The following GDF6 variants were observed in gnomAD, a reference collection of about 807,000 sequenced individuals.
GDF6 encodes growth differentiation factor 6.
In GDF6, 3 loss-of-function variants were observed where a neutral mutation model predicts 32.4. That is an observed-to-expected ratio of 0.09 (90% confidence interval 0.04 to 0.24). GDF6 has a LOEUF of 0.24. Among genes scored for constraint, GDF6 ranks in the 10% least tolerant of loss-of-function variants. The pLI, the probability that GDF6 is intolerant of heterozygous loss-of-function variation, is 1.00. For missense variants in GDF6, 589 were observed against 637.9 expected (o/e 0.92, Z 0.83); for synonymous variants, 296 against 295.3 (o/e 1.00, Z -0.03).
At chr8:96,158,047 CCTTT>C (rs1812698144) in intron 1 of GDF6, among the ~76,000 whole-genome samples, 1 of 152,212 alleles carries the variant, frequency 6.6e-6, no homozygotes, top group African/African-American at 2.4e-5. Flanking sequence ...CAACGAACTG[CCTTT>C]CTTCGCATTT....
intron 1 of GDF6, among the ~76,000 whole-genome samples, chr8:96,153,044 C>G (rs1207567090): frequency 6.6e-6 from 1 of 152,222 alleles, no homozygotes; most frequent in African/African-American, 2.4e-5. Flanking sequence ...CTTCGCACCC[C>G]TCACCTCGGG....
intron 1 of GDF6, among the ~76,000 whole-genome samples, chr8:96,152,684 T>C (rs1812588977): frequency 6.6e-6 from 1 of 152,184 alleles, no homozygotes; most frequent in African/African-American, 2.4e-5. Flanking sequence ...TCATCACACA[T>C]TCACCAGTCC....
At chr8:96,157,302 A>G (rs567202628) in intron 1 of GDF6, among the ~76,000 whole-genome samples, 38 of 152,234 alleles carry the variant, frequency 2.5e-4, no homozygotes, top group African/African-American at 8.7e-4. Flanking sequence ...CTTTCTTTAT[A>G]AACCTAAAGC....
Position 96,144,268 on chromosome 8 carries a change from GAGAGAGAGAGAGAGAGAGAGAGA to G in GDF6, c.*272_*294del. The G allele has an allele frequency of 6.7e-6, 3 of 445,134 alleles. No homozygotes were observed. Among genetic ancestry groups the G allele is most frequent in the Admixed American group, 3.5e-5 (1 of 28,406 alleles). The allele number at this position is 445,134 out of a possible 1,614,324, so 27.6% of individuals were successfully genotyped here. ...ATAGAGAGAGAGAGAGAGAGAGAGA[GAGAGAGAGAGAGAGAGAGAGAGA>G]AAACAGAACAAAAGAAATCCTCCTT... On this transcript the variant is annotated 3_prime_UTR_variant, in exon 2 of 2. Transcript: ENST00000287020. The surrounding 1 kb of genome is among the most constrained non-coding windows in gnomAD (Gnocchi z 5.1).
Position 96,154,600 on chromosome 8 carries a change from T to A in GDF6, c.406+5687A>T, listed in dbSNP as rs368761783. On this transcript the variant is annotated intron_variant, in intron 1 of 1. Transcript: ENST00000287020. ...TCCACACCTCGAGGGCTCGGCTCGA[T>A]TCAGTCCCCTGGTCCAAAGAGTGTC... is the stretch of plus-strand genomic sequence containing the variant. 3.3e-5 allele frequency among the ~76,000 whole-genome samples: 5 copies of A among 152,260 alleles called. No homozygotes were observed. The East Asian group carries it at 7.7e-4, about 24-fold the overall frequency.
In GDF6 at chr8:96,144,536, C is replaced by CG. The variant is rs1402266602; in HGVS notation, c.*26dup. The CG allele has an allele frequency of 1.2e-6, 2 of 1,610,716 alleles. No homozygotes were observed. The highest frequency in any genetic ancestry group is 2.7e-5 in the African/African-American group (2 of 74,880). ...GGCGGACCTTGGCCCACCTTGGTTC[C>CG]GGGCCAAGGCGGCGGGAAAGGCACC... is the stretch of plus-strand genomic sequence containing the variant. On this transcript the variant is annotated 3_prime_UTR_variant, in exon 2 of 2. Coordinates refer to ENST00000287020, the MANE Select transcript of GDF6 (RefSeq NM_001001557.4). The surrounding 1 kb of genome is among the most constrained non-coding windows in gnomAD (Gnocchi z 5.1).
At position 96,144,537 on chromosome 8, in the gene GDF6, G is replaced by A. The variant is rs777138120; in HGVS notation, c.*26C>T. 3 of 1,611,172 alleles carry A rather than the reference G, an allele frequency of 1.9e-6. No homozygotes were observed. The highest frequency in any genetic ancestry group is 1.1e-5 in the South Asian group (1 of 90,558). On this transcript the variant is annotated 3_prime_UTR_variant, in exon 2 of 2. Coordinates refer to ENST00000287020, the MANE Select transcript of GDF6 (RefSeq NM_001001557.4). The surrounding 1 kb of genome is among the most constrained non-coding windows in gnomAD (Gnocchi z 5.1). ...GCGGACCTTGGCCCACCTTGGTTCC[G>A]GGCCAAGGCGGCGGGAAAGGCACCG...
chr8:96,146,114 A>C (rs1209236968), intron 1 of GDF6, among the ~76,000 whole-genome samples: 1 of 152,168 alleles, frequency 6.6e-6, no homozygotes, highest in African/African-American at 2.4e-5. Flanking sequence ...CACGGGAGCT[A>C]GGCCGATGTC....
intron 1 of GDF6, among the ~76,000 whole-genome samples, chr8:96,153,437 T>G (rs1168129881): frequency 6.6e-6 from 1 of 152,204 alleles, no homozygotes; most frequent in Non-Finnish European, 1.5e-5. Context: ...GTTCCCGCGC[T>G]GAGCCCTCCC....
chr8:96,144,494 C>T lies in GDF6; in HGVS notation c.*69G>A. The T allele has an allele frequency of 6.4e-7, 1 of 1,571,272 alleles. No individual in the cohort carries two copies. The highest frequency in any genetic ancestry group is 2.3e-5 in the East Asian group (1 of 43,122). On this transcript the variant is annotated 3_prime_UTR_variant, in exon 2 of 2. Coordinates refer to ENST00000287020, the MANE Select transcript of GDF6 (RefSeq NM_001001557.4). The surrounding 1 kb of genome is among the most constrained non-coding windows in gnomAD (Gnocchi z 5.1). The stretch of plus-strand genomic sequence containing the variant: ...AGCTTCCTCCTCCGCCTCTCTGCAG[C>T]CAGGCCTCCCCTGCAAGGCGGACCT...
chr8:96,151,896 C>T (rs1398415276), intron 1 of GDF6, among the ~76,000 whole-genome samples: 2 of 152,204 alleles, frequency 1.3e-5, no homozygotes, highest in Non-Finnish European at 2.9e-5. Context: ...AATGAGAGAA[C>T]CACCTGTACC....
Position 96,144,312 on chromosome 8 carries a change from T to A in GDF6, c.*251A>T. On this transcript the variant is annotated 3_prime_UTR_variant, in exon 2 of 2. Coordinates refer to ENST00000287020, the MANE Select transcript of GDF6 (RefSeq NM_001001557.4). The surrounding 1 kb of genome is among the most constrained non-coding windows in gnomAD (Gnocchi z 5.1). The stretch of plus-strand genomic sequence containing the variant: ...AGAGAAAACAGAACAAAAGAAATCC[T>A]CCTTGGCTTGTTTTTCCAGGGTGGC... 1 of 413,952 alleles carries A rather than the reference T, an allele frequency of 2.4e-6. No homozygotes were observed. The allele number at this position is 413,952 out of a possible 1,614,324, so 25.6% of individuals were successfully genotyped here.
chr8:96,157,327 T>C (rs1812684956), intron 1 of GDF6, among the ~76,000 whole-genome samples: 1 of 152,166 alleles, frequency 6.6e-6, no homozygotes, highest in Admixed American at 6.5e-5. Flanking sequence ...TTCATTCACT[T>C]TGGGCAGAGT....
intron 1 of GDF6, among the ~76,000 whole-genome samples, chr8:96,157,867 G>A (rs1812694941): frequency 6.6e-6 from 1 of 152,170 alleles, no homozygotes; most frequent in Admixed American, 6.5e-5. Context: ...TGAGGTCACC[G>A]CCGGTGACAC....
At chr8:96,154,164 C>T (rs192341529) in intron 1 of GDF6, among the ~76,000 whole-genome samples, 89 of 152,308 alleles carry the variant, frequency 5.8e-4, no homozygotes, top group African/African-American at 2.0e-3. Context: ...CTGTCCTTCT[C>T]CCCAAGCTAA....
Position 96,145,314 on chromosome 8 carries a change from C to A in GDF6, c.617G>T (p.Gly206Val). Reference protein sequence around the residue: ...LLDARTLDPQGAPPAGWEVFD... With the variant: ...LLDARTLDPQVAPPAGWEVFD... ...GACTTCCCAGCCGGCCGGCGGCGCC[C>A]CCTGCGGGTCCAGGGTCCGCGCGTC... The change falls in exon 2 of 2, where the codon GGG becomes GTG. Residue 206 changes from glycine (G) to valine (V), a missense_variant. Gly to Val is a moderately radical substitution (Grantham distance 109). Around this residue, in one of 2 missense-constraint regions of GDF6, gnomAD observed 436 missense variants for 411.2 expected, o/e 1.06. Coordinates refer to ENST00000287020, the MANE Select transcript of GDF6 (RefSeq NM_001001557.4). The surrounding 1 kb of genome is among the most constrained non-coding windows in gnomAD (Gnocchi z 5.6). The A allele has an allele frequency of 6.5e-7, 1 of 1,533,140 alleles. No individual in the cohort carries two copies. The highest frequency in any genetic ancestry group is 1.2e-5 in the South Asian group (1 of 83,902). The allele number at this position is 1,533,140 out of a possible 1,614,324, so 95.0% of individuals were successfully genotyped here.
At chr8:96,156,381 TCTCTCTCTCTCTCTCTCTCTCTCTTTCC>T in intron 1 of GDF6, among the ~76,000 whole-genome samples, 1 of 18,262 alleles carries the variant, frequency 5.5e-5, no homozygotes, top group African/African-American at 4.3e-4. Context: ...TCTTTCCCTC[TCTCTCTCTCTCTCTCTCTCTCTCTTTCC>T]CTCTCTCTCT....
intron 1 of GDF6, among the ~76,000 whole-genome samples, chr8:96,148,810 G>A (rs1027292886): frequency 1.3e-5 from 2 of 152,082 alleles, no homozygotes; most frequent in African/African-American, 2.4e-5. Context: ...TATCCTTTCA[G>A]CCACAAGTTC....
Position 96,160,666 on chromosome 8 carries a change from C to A in GDF6, c.27G>T (p.Ser9=). MDTPRVLL[S]AVFLISFLWD... ...ACAGAAAACTGATGAGGAAGACGGC[C>A]GAGAGCAGGACCCTGGGAGTATCCA... Residue 9 remains serine, a synonymous_variant, in exon 1 of 2, where the codon TCG becomes TCT. Coordinates refer to ENST00000287020, the MANE Select transcript of GDF6 (RefSeq NM_001001557.4). 1.2e-6 allele frequency: 2 copies of A among 1,613,604 alleles called. No homozygotes were observed. The highest frequency in any genetic ancestry group is 1.3e-5 in the African/African-American group (1 of 75,030).
Sources: gnomAD v4.1 joint callset for allele counts (sites outside exome capture counted in the v4.1 genomes callset) on GRCh38, gnomAD v4.1.1 for gene constraint, gnomAD v4.1.1 regional missense constraint, Gnocchi (gnomAD v3.1) non-coding constraint, MANE v1.5 for transcripts, NCBI Gene and HGNC (gene_info 2026-07-23, HGNC 2026-07-21) for gene names.